TUBE1: variants seen among roughly 807,000 people sequenced by gnomAD.
TUBE1 encodes tubulin epsilon chain.
In TUBE1, 34 loss-of-function variants were observed where a neutral mutation model predicts 53.5. The ratio of observed to expected loss-of-function variants is 0.64; its 90% CI spans 0.48 to 0.85. The LOEUF (loss-of-function observed/expected upper bound fraction) is 0.85, where lower values mean the gene tolerates loss of function less well. TUBE1 is among the 40% of genes least tolerant of loss of function. The pLI, the probability that TUBE1 is intolerant of heterozygous loss-of-function variation, is 0.00. For synonymous variants in TUBE1, 177 were observed against 198.4 expected (o/e 0.89, Z 0.91); for missense variants, 532 against 570.5 (o/e 0.93, Z 0.69).
chr6:112,072,626 C>CT (rs1311943395), intron 10 of TUBE1, 132 bp downstream of exon 10: 3 of 815,934 alleles, frequency 3.7e-6, no homozygotes, highest in Non-Finnish European at 5.5e-6. Context: ...CACAAAGAGA[C>CT]TAAGTAGTTT....
rs1776953948 is a variant in TUBE1 at position 112,075,742 on chromosome 6, AACATAC to A, written c.812+189_812+194del. The A allele has an allele frequency of 6.1e-6, 3 of 495,638 alleles. No homozygotes were observed. The South Asian group carries it at 1.1e-4, about 18-fold the overall frequency. 30.7% of individuals were successfully genotyped at this position (495,638 alleles called of 1,614,324 possible). On this transcript the variant is annotated intron_variant, in intron 8 of 11. Coordinates refer to ENST00000368662, the MANE Select transcript of TUBE1 (RefSeq NM_016262.5). ...TATGATATCTGTTCATATTCCATGG[AACATAC>A]TTGGGGAAATGCTGCTTTGGAGTCA...
chr6:112,079,684 C>CT lies in TUBE1; in HGVS notation c.396dup (p.Glu133ArgfsTer4). On this transcript the variant is annotated frameshift_variant, in exon 6 of 12. Coordinates refer to ENST00000368662, the MANE Select transcript of TUBE1 (RefSeq NM_016262.5). LOFTEE classifies it high-confidence loss of function. ...AAACACTGCAAGCAATCACAGTGCT[C>CT]TGCCGACTTTCTGAATTTCTCTAAA... 1.2e-6 allele frequency: 2 copies of CT among 1,612,538 alleles called. No individual in the cohort carries two copies. Among genetic ancestry groups the CT allele is most frequent in the Non-Finnish European group, 1.7e-6 (2 of 1,179,108 alleles).
chr6:112,084,293 A>G (rs1554317093), intron 3 of TUBE1, 47 bp from the exon 4 acceptor site: 1 of 1,455,608 alleles, frequency 6.9e-7, no homozygotes, highest in Non-Finnish European at 9.6e-7. Context: ...TTCCATGGCT[A>G]ATAGCACTAT....
chr6:112,074,145 C>A (rs1776915474), intron 9 of TUBE1, among the ~76,000 whole-genome samples: 1 of 152,204 alleles, frequency 6.6e-6, no homozygotes, highest in African/African-American at 2.4e-5. Context: ...TCAAGCTCAT[C>A]ATCAGTATAC....
chr6:112,083,133 A>C (rs1777096008), intron 4 of TUBE1, among the ~76,000 whole-genome samples: 1 of 152,050 alleles, frequency 6.6e-6, no homozygotes, highest in South Asian at 2.1e-4. Flanking sequence ...TACATCACAA[A>C]GCATACTGTG....
intron 11 of TUBE1, 42 bp downstream of exon 11, chr6:112,071,860 C>T (rs1776871615): frequency 6.5e-7 from 1 of 1,531,862 alleles, no homozygotes; most frequent in Non-Finnish European, 8.8e-7. Flanking sequence ...TCTTAAATAG[C>T]CAAAATAAAC....
At chr6:112,079,557 A>G in intron 6 of TUBE1, 76 bp downstream of exon 6, 1 of 1,503,926 alleles carries the variant, frequency 6.6e-7, no homozygotes, top group Non-Finnish European at 9.1e-7. Context: ...AGGTCTAAAA[A>G]CAAGACTTAC....
At position 112,080,981 on chromosome 6, in the gene TUBE1, T is replaced by C. The variant is rs1350607717; in HGVS notation, c.326+111A>G. On this transcript the variant is annotated intron_variant, in intron 5 of 11. Coordinates refer to ENST00000368662, the MANE Select transcript of TUBE1 (RefSeq NM_016262.5). ...TATTAAGGTGGTGGGCTGAAAGGCC[T>C]AGCATTATGTGGCAAATTACATCCT... 5 of 636,644 alleles carry C rather than the reference T, an allele frequency of 7.9e-6. No individual in the cohort carries two copies. In the East Asian group the frequency reaches 8.8e-5, roughly 11 times the overall value. 39.4% of individuals were successfully genotyped at this position (636,644 alleles called of 1,614,324 possible). A position where few individuals can be genotyped will look rare whatever the true frequency, so the allele number is the denominator to read the frequency against.
Position 112,076,214 on chromosome 6 carries a change from C to A in TUBE1, c.637-102G>T, listed in dbSNP as rs587606665. Reference sequence around the variant, plus strand: ...GAAAAACAATTTAAACTGATTTTTTCTCTAAGAAGGCTGAAAAGTGAAGAG... The same window carrying A: ...GAAAAACAATTTAAACTGATTTTTTATCTAAGAAGGCTGAAAAGTGAAGAG... On this transcript the variant is annotated intron_variant, in intron 7 of 11. Transcript: ENST00000368662. The A allele has an allele frequency of 2.2e-5, 32 of 1,473,898 alleles. No homozygotes were observed. The East Asian group carries it at 7.3e-4, about 34-fold the overall frequency. 91.3% of individuals were successfully genotyped at this position (1,473,898 alleles called of 1,614,324 possible).
rs778071196 is a variant in TUBE1, at chr6:112,087,223, G to C, written c.99+10C>G. The C allele has an allele frequency of 5.2e-6, 8 of 1,549,850 alleles. No individual in the cohort carries two copies. Among genetic ancestry groups the C allele is most frequent in the Admixed American group, 2.0e-5 (1 of 50,864 alleles). ...GACAGGCGAGGGGGCTCGCGGCGGC[G>C]GGCGGGTACCTGGTTGACCGCGGCG... On this transcript the variant is annotated intron_variant, in intron 2 of 11. Coordinates refer to ENST00000368662, the MANE Select transcript of TUBE1 (RefSeq NM_016262.5).
intron 3 of TUBE1, among the ~76,000 whole-genome samples, chr6:112,086,005 T>C (rs782682930): frequency 1.3e-5 from 2 of 152,250 alleles, no homozygotes; most frequent in African/African-American, 2.4e-5. Context: ...ACGAAGTATG[T>C]ATTTTTCAGT....
intron 4 of TUBE1, among the ~76,000 whole-genome samples, chr6:112,083,344 G>A (rs587679907): frequency 3.5e-4 from 51 of 145,298 alleles, no homozygotes; most frequent in African/African-American, 1.2e-3. Flanking sequence ...TTTTTGAGAC[G>A]GAGTCCCGCT....
intron 4 of TUBE1, among the ~76,000 whole-genome samples, chr6:112,081,785 C>A (rs1263110794): frequency 2.7e-5 from 3 of 109,878 alleles, no homozygotes; most frequent in African/African-American, 1.0e-4. Flanking sequence ...ATATAAAACA[C>A]AAAATTAATT....
At chr6:112,073,242 A>G (rs1462594759) in intron 9 of TUBE1, among the ~76,000 whole-genome samples, 2 of 152,096 alleles carry the variant, frequency 1.3e-5, no homozygotes, top group African/African-American at 4.8e-5. Context: ...AGTTCGGTAT[A>G]CCTTATTTAT....
At chr6:112,073,172 G>A (rs1485142951) in intron 9 of TUBE1, among the ~76,000 whole-genome samples, 1 of 152,054 alleles carries the variant, frequency 6.6e-6, no homozygotes, top group Non-Finnish European at 1.5e-5. Flanking sequence ...ACAAAATGTT[G>A]ACTGTAGCAT....
chr6:112,081,171 C>G lies in TUBE1; in HGVS notation c.247G>C (p.Glu83Gln), dbSNP rs782015841. The change falls in exon 5 of 12, where the codon GAA (glutamate) becomes CAA (glutamine). Residue 83 changes from glutamate (E) to glutamine (Q), a missense_variant. Coordinates refer to ENST00000368662, the MANE Select transcript of TUBE1 (RefSeq NM_016262.5). ...LIDMEEGVVN[E>Q]ILQGPLRDVF... Reference sequence around the variant, plus strand: ...TCTCTCAGTGGTCCCTGCAGAATTTCATTCACTACCCCTTCTTCCATATCA... The same window carrying G: ...TCTCTCAGTGGTCCCTGCAGAATTTGATTCACTACCCCTTCTTCCATATCA... 7.5e-6 allele frequency: 12 copies of G among 1,608,618 alleles called. No homozygotes were observed. The highest frequency in any genetic ancestry group is 3.5e-4 in the Middle Eastern group (2 of 5,738).
Position 112,075,804 on chromosome 6 carries a change from A to G in TUBE1, c.812+133T>C, listed in dbSNP as rs1776954995. 4.8e-6 allele frequency: 4 copies of G among 832,072 alleles called. No individual in the cohort carries two copies. In the Admixed American group the frequency reaches 1.2e-4, roughly 26 times the overall value. The allele number at this position is 832,072 out of a possible 1,614,324, so 51.5% of individuals were successfully genotyped here. A position where few individuals can be genotyped will look rare whatever the true frequency, so the allele number is the denominator to read the frequency against. ...GGTAAAATTCTGCGTGATCACTCCA[A>G]GAAAAGATAGAAGACAAAATAAAAA... is the stretch of plus-strand genomic sequence containing the variant. On this transcript the variant is annotated intron_variant, in intron 8 of 11. Coordinates refer to ENST00000368662, the MANE Select transcript of TUBE1 (RefSeq NM_016262.5).
chr6:112,072,676 T>C, intron 10 of TUBE1, 82 bp downstream of exon 10: 1 of 1,460,618 alleles, frequency 6.8e-7, no homozygotes, highest in East Asian at 2.3e-5. Flanking sequence ...TGCTAGAATT[T>C]GAAGGGCGGC....
intron 6 of TUBE1, 151 bp from the exon 7 acceptor site, chr6:112,076,660 C>T: frequency 3.6e-6 from 2 of 561,352 alleles, no homozygotes; most frequent in Non-Finnish European, 5.8e-6. Flanking sequence ...GCCTTGACCT[C>T]CTAGGGTCAA....
Sources: gnomAD v4.1 joint callset for allele counts (sites outside exome capture counted in the v4.1 genomes callset) on GRCh38, gnomAD v4.1.1 for gene constraint, MANE v1.5 for transcripts, NCBI Gene and HGNC (gene_info 2026-07-23, HGNC 2026-07-21) for gene names.